TXLNB: variants seen among roughly 807,000 people sequenced by gnomAD.
TXLNB encodes the protein taxilin beta.
In TXLNB, 37 loss-of-function variants were observed where a neutral mutation model predicts 57.4. The observed-to-expected ratio is 0.64, with a 90% CI of 0.50 to 0.85. The LOEUF (loss-of-function observed/expected upper bound fraction) is 0.85. Among genes scored for constraint, TXLNB ranks in the 40% least tolerant of loss-of-function variants. The pLI is 0.00. For synonymous variants in TXLNB, 302 were observed against 309.6 expected (o/e 0.98, Z 0.26); for missense variants, 848 against 825.6 (o/e 1.03, Z -0.33).
At chr6:139,311,260 T>A in the TXLNB span, among the ~76,000 whole-genome samples, 1 of 152,202 alleles carries the variant, frequency 6.6e-6, no homozygotes, top group African/African-American at 2.4e-5. Context: ...GAGAAACTTT[T>A]CAAAAAGTGG....
At chr6:139,234,206 G>A in the TXLNB span, 1 of 152,222 alleles carries the variant, frequency 6.6e-6, no homozygotes, top group Non-Finnish European at 1.5e-5. Context: ...GCAGCCAGAT[G>A]TTGTGAAAGA....
At chr6:139,295,819 T>C (rs1777379339), upstream of TXLNB, among the ~76,000 whole-genome samples, 1 of 152,232 alleles carries the variant, frequency 6.6e-6, no homozygotes, top group South Asian at 2.1e-4. Context: ...AGCATTGTGA[T>C]TATAGTTCTA....
chr6:139,174,619 G>A, the TXLNB span: 8 of 1,535,898 alleles, frequency 5.2e-6, no homozygotes, highest in Non-Finnish European at 7.0e-6. Context: ...GATGCGTCTG[G>A]CAATAAAGAA....
intron 6 of TXLNB, among the ~76,000 whole-genome samples, chr6:139,255,946 G>T (rs1001225374): frequency 5.3e-5 from 8 of 151,984 alleles, no homozygotes; most frequent in African/African-American, 1.9e-4. Flanking sequence ...GTCAGGGGTG[G>T]TGGTGCATGC....
chr6:139,292,618 C>T (rs72990550), upstream of TXLNB, among the ~76,000 whole-genome samples: 13,115 of 152,144 alleles, frequency 0.086, 613 homozygotes, highest in Non-Finnish European at 0.1. This position sits in a 1 kb window ranked among gnomAD's most constrained non-coding sequence, Gnocchi z 4.0. Context: ...TCTTCATGCA[C>T]GTGGTAATTG....
chr6:139,207,298 G>T, the TXLNB span, among the ~76,000 whole-genome samples: 1 of 152,018 alleles, frequency 6.6e-6, no homozygotes, highest in Non-Finnish European at 1.5e-5. Context: ...AGACCACAAT[G>T]GAATAAAATT....
chr6:139,238,793 G>A (rs920608696), downstream of TXLNB, among the ~76,000 whole-genome samples: 9 of 152,108 alleles, frequency 5.9e-5, no homozygotes, highest in South Asian at 1.2e-3. Flanking sequence ...AATGAACTTC[G>A]GAGGCCAGAG....
chr6:139,171,873 C>T, the TXLNB span, among the ~76,000 whole-genome samples: 1 of 151,808 alleles, frequency 6.6e-6, no homozygotes, highest in African/African-American at 2.4e-5. Context: ...CTTTTGTTGC[C>T]CAGGCTGGAG....
chr6:139,166,811 G>C, the TXLNB span: 1 of 1,613,582 alleles, frequency 6.2e-7, no homozygotes, highest in African/African-American at 1.3e-5. Context: ...TTCCCCCGGT[G>C]GCTCCCCGGG....
chr6:139,212,552 A>C, the TXLNB span, among the ~76,000 whole-genome samples: 36 of 152,244 alleles, frequency 2.4e-4, no homozygotes, highest in Non-Finnish European at 3.7e-4. Context: ...CATTGAGGCT[A>C]GGAAGAAACT....
At chr6:139,274,805 T>C (rs1352959672) in intron 3 of TXLNB, among the ~76,000 whole-genome samples, 2 of 152,100 alleles carry the variant, frequency 1.3e-5, no homozygotes, top group Admixed American at 6.5e-5. Flanking sequence ...CGCTGGAAAC[T>C]AAACATGAAT....
chr6:139,223,021 C>T, the TXLNB span, among the ~76,000 whole-genome samples: 17 of 152,304 alleles, frequency 1.1e-4, no homozygotes, highest in Non-Finnish European at 2.2e-4. Context: ...TAGAACACTG[C>T]CTGCACTCAA....
At chr6:139,317,904 T>G in the TXLNB span, among the ~76,000 whole-genome samples, 1 of 152,100 alleles carries the variant, frequency 6.6e-6, no homozygotes, top group Non-Finnish European at 1.5e-5. Context: ...ATTGTGAGAA[T>G]TTTTTAAAAA....
chr6:139,317,895 T>C, the TXLNB span, among the ~76,000 whole-genome samples: 1 of 151,970 alleles, frequency 6.6e-6, no homozygotes, highest in African/African-American at 2.4e-5. Flanking sequence ...CTGGGCAACA[T>C]TGTGAGAATT....
chr6:139,272,702 T>C (rs1776796379), intron 3 of TXLNB, among the ~76,000 whole-genome samples: 1 of 152,244 alleles, frequency 6.6e-6, no homozygotes, highest in Non-Finnish European at 1.5e-5. Flanking sequence ...CTTGTACATA[T>C]ATTTGGATTT....
At chr6:139,264,670 C>T (rs1776569873) in intron 4 of TXLNB, among the ~76,000 whole-genome samples, 1 of 152,262 alleles carries the variant, frequency 6.6e-6, no homozygotes, top group South Asian at 2.1e-4. Flanking sequence ...AGTGATTCTC[C>T]TGCCTCAGCC....
chr6:139,255,188 G>A (rs192273388), intron 7 of TXLNB, among the ~76,000 whole-genome samples: 98 of 152,142 alleles, frequency 6.4e-4, no homozygotes, highest in African/African-American at 2.1e-3. Context: ...AGTCATAGAT[G>A]GTGCATCTGA....
intron 4 of TXLNB, among the ~76,000 whole-genome samples, chr6:139,265,472 C>G (rs984955263): frequency 1.3e-5 from 2 of 151,894 alleles, no homozygotes; most frequent in South Asian, 4.1e-4. Context: ...GCGTTTGACT[C>G]ATTAAAGAAG....
the TXLNB span, among the ~76,000 whole-genome samples, chr6:139,319,003 C>T: frequency 0.051 from 7,093 of 138,978 alleles, 544 homozygotes; most frequent in African/African-American, 0.18. Flanking sequence ...AGTGCAATGG[C>T]GCGATCTCAG....
Sources: allele counts gnomAD v4.1 joint callset (sites outside exome capture counted in the v4.1 genomes callset), GRCh38; gene constraint gnomAD v4.1.1; non-coding constraint Gnocchi (gnomAD v3.1); transcripts MANE v1.5; gene names NCBI Gene and HGNC (gene_info 2026-07-23, HGNC 2026-07-21).